COL28A1: variants seen among roughly 807,000 people sequenced by gnomAD.
The protein encoded by COL28A1 is collagen alpha-1(XXVIII) chain.
A neutral mutation model predicts 150.2 loss-of-function variants in COL28A1; 161 were observed. The observed-to-expected ratio is 1.07, with a 90% confidence interval of 0.94 to 1.22. COL28A1 has a LOEUF of 1.22. Among genes scored for constraint, COL28A1 ranks in the 50% most tolerant of loss-of-function variants. The pLI is 0.00. For synonymous variants in COL28A1, 552 were observed against 469.7 expected (o/e 1.18, Z -2.26); for missense variants, 1,617 against 1,388.3 (o/e 1.16, Z -2.62).
chr7:7,455,915 T>G (rs929242086), intron 16 of COL28A1, 129 bp downstream of exon 16: 2 of 1,273,252 alleles, frequency 1.6e-6, no homozygotes, highest in African/African-American at 1.5e-5. Flanking sequence ...TATTCACTTC[T>G]GGACTTATAC....
At chr7:7,378,756 G>C (rs553205162) in intron 30 of COL28A1, among the ~76,000 whole-genome samples, 1 of 152,162 alleles carries the variant, frequency 6.6e-6, no homozygotes, top group Non-Finnish European at 1.5e-5. Context: ...CCTGACTTGT[G>C]TGTCTCCATT....
the COL28A1 span, among the ~76,000 whole-genome samples, chr7:7,541,774 C>T: frequency 2.0e-5 from 3 of 152,118 alleles, no homozygotes; most frequent in Admixed American, 6.5e-5. Flanking sequence ...TATATAGGAT[C>T]AAGAAGCTCT....
intron 16 of COL28A1, 125 bp downstream of exon 16, chr7:7,455,919 C>T (rs759942966): frequency 3.8e-6 from 5 of 1,312,204 alleles, no homozygotes; most frequent in Non-Finnish European, 5.1e-6. Context: ...CACTTCTGGA[C>T]TTATACTCCA....
chr7:7,453,598 A>T, intron 16 of COL28A1, 90 bp from the exon 17 acceptor site: 1 of 731,198 alleles, frequency 1.4e-6, no homozygotes, highest in Non-Finnish European at 2.3e-6. Context: ...CCCCATAATA[A>T]GTTACTTACA....
intron 30 of COL28A1, among the ~76,000 whole-genome samples, chr7:7,378,367 C>T (rs2128287318): frequency 6.6e-6 from 1 of 152,288 alleles, no homozygotes; most frequent in South Asian, 2.1e-4. Flanking sequence ...ATATGTCCCC[C>T]TGCCTTTAGT....
intron 9 of COL28A1, among the ~76,000 whole-genome samples, chr7:7,507,896 G>A (rs1325526746): frequency 1.3e-5 from 2 of 152,190 alleles, no homozygotes; most frequent in Non-Finnish European, 2.9e-5. Flanking sequence ...CAAAGTGTAT[G>A]TCTGATTTTG....
At chr7:7,402,315 A>G (rs915688564) in intron 27 of COL28A1, among the ~76,000 whole-genome samples, 3 of 152,250 alleles carry the variant, frequency 2.0e-5, no homozygotes, top group African/African-American at 7.2e-5. Context: ...GAAGAGATAA[A>G]TTATAAATAC....
chr7:7,467,816 C>T (rs1189928486), intron 15 of COL28A1, among the ~76,000 whole-genome samples: 12 of 139,348 alleles, frequency 8.6e-5, no homozygotes, highest in African/African-American at 3.2e-4. Context: ...CTCAAAGCCG[C>T]TCAACTACAT....
chr7:7,532,183 G>A (rs974849719), intron 2 of COL28A1, among the ~76,000 whole-genome samples: 5 of 152,114 alleles, frequency 3.3e-5, no homozygotes, highest in African/African-American at 9.7e-5. Context: ...AAAGTGGGAG[G>A]AAATGGGAAG....
intron 15 of COL28A1, among the ~76,000 whole-genome samples, chr7:7,474,038 AT>A (rs1301764693): frequency 1.3e-4 from 19 of 141,454 alleles, no homozygotes; most frequent in African/African-American, 4.2e-4. Context: ...ATGGAATACT[AT>A]ATATATACTA....
At chr7:7,379,119 A>T (rs1404951908) in intron 30 of COL28A1, among the ~76,000 whole-genome samples, 2 of 152,190 alleles carry the variant, frequency 1.3e-5, no homozygotes, top group African/African-American at 4.8e-5. Flanking sequence ...TTTGGCCCCA[A>T]GGACTTCTAA....
At chr7:7,506,840 A>AT (rs1433373583) in intron 10 of COL28A1, among the ~76,000 whole-genome samples, 1 of 152,254 alleles carries the variant, frequency 6.6e-6, no homozygotes, top group East Asian at 1.9e-4. Context: ...CAGACTCTTA[A>AT]TTTTTTAACT....
intron 1 of COL28A1, 117 bp downstream of exon 1, chr7:7,535,633 A>G (rs866654305): frequency 6.6e-6 from 1 of 152,166 alleles, no homozygotes; most frequent in African/African-American, 2.4e-5. Context: ...CAGAGAATAC[A>G]AACTATTGAC....
At chr7:7,452,893 T>C (rs1246440229) in intron 17 of COL28A1, among the ~76,000 whole-genome samples, 1 of 152,200 alleles carries the variant, frequency 6.6e-6, no homozygotes. Context: ...CAGAGAAGTA[T>C]TTTATTTATT....
chr7:7,446,055 T>C (rs1441339055), intron 18 of COL28A1, among the ~76,000 whole-genome samples: 2 of 152,154 alleles, frequency 1.3e-5, no homozygotes, highest in East Asian at 3.9e-4. Context: ...ACGGGCTTTC[T>C]CCATGTTGGT....
At chr7:7,456,898 G>A (rs930194616) in intron 15 of COL28A1, among the ~76,000 whole-genome samples, 1 of 152,214 alleles carries the variant, frequency 6.6e-6, no homozygotes. Context: ...AAGAGGCAGC[G>A]ATGATTTTGG....
At chr7:7,398,146 T>TA (rs1156314746) in intron 27 of COL28A1, among the ~76,000 whole-genome samples, 2 of 152,206 alleles carry the variant, frequency 1.3e-5, no homozygotes, top group African/African-American at 4.8e-5. Context: ...TGCCATCTGA[T>TA]AGCAAAGCTG....
At chr7:7,513,755 T>C (rs1781274417) in intron 8 of COL28A1, among the ~76,000 whole-genome samples, 1 of 152,168 alleles carries the variant, frequency 6.6e-6, no homozygotes. Flanking sequence ...TCCAGACAGA[T>C]TTGTTAGCTA....
chr7:7,467,925 A>G (rs1192169860), intron 15 of COL28A1, among the ~76,000 whole-genome samples: 1 of 144,370 alleles, frequency 6.9e-6, no homozygotes, highest in African/African-American at 2.7e-5. Flanking sequence ...CAAAGACACA[A>G]CATTCCAGAA....
Sources: allele counts gnomAD v4.1 joint callset (sites outside exome capture counted in the v4.1 genomes callset), GRCh38; gene constraint gnomAD v4.1.1; transcripts MANE v1.5; gene names NCBI Gene and HGNC (gene_info 2026-07-23, HGNC 2026-07-21).